The following SH3D19 variants were observed in gnomAD, a reference collection of about 807,000 sequenced individuals.
SH3D19 encodes the protein SH3 domain-containing protein 19.
A neutral mutation model predicts 112.1 loss-of-function variants in SH3D19; 58 were observed. The observed-to-expected ratio is 0.52, with a 90% CI of 0.42 to 0.64. The LOEUF is 0.64. Ranked by LOEUF, SH3D19 falls within the 30% of genes least tolerant of loss-of-function variation. The pLI, the probability that SH3D19 is intolerant of heterozygous loss-of-function variation, is 0.00. For missense variants in SH3D19, 1,090 were observed against 1,263.4 expected (o/e 0.86, Z 2.08); for synonymous variants, 391 against 448.5 (o/e 0.87, Z 1.62).
At chr4:151,310,134 G>T (rs1293551167) in intron 1 of SH3D19, among the ~76,000 whole-genome samples, 1 of 150,860 alleles carries the variant, frequency 6.6e-6, no homozygotes, top group Non-Finnish European at 1.5e-5. Context: ...AGCACTTTGG[G>T]AGCCTGAGGC....
At chr4:151,294,472 T>C (rs1399564007) in intron 1 of SH3D19, among the ~76,000 whole-genome samples, 1 of 152,234 alleles carries the variant, frequency 6.6e-6, no homozygotes, top group Non-Finnish European at 1.5e-5. Context: ...GATCTCACTA[T>C]CTTCATCACT....
chr4:151,136,322 A>G (rs1383090843), intron 14 of SH3D19, among the ~76,000 whole-genome samples: 3 of 150,346 alleles, frequency 2.0e-5, no homozygotes, highest in Non-Finnish European at 4.4e-5. Context: ...TAATTTTTCA[A>G]TTTTTTGTGG....
At chr4:151,267,402 G>GGTTT (rs2149994282) in intron 1 of SH3D19, among the ~76,000 whole-genome samples, 1 of 151,662 alleles carries the variant, frequency 6.6e-6, no homozygotes, top group South Asian at 2.1e-4. Context: ...AAAGCTATAA[G>GGTTT]GTTTTTCCTT....
chr4:151,208,649 C>T (rs1765464657), intron 2 of SH3D19, among the ~76,000 whole-genome samples: 1 of 151,496 alleles, frequency 6.6e-6, no homozygotes, highest in Admixed American at 6.6e-5. Context: ...GGATTACAGG[C>T]ATGCACCACT....
At chr4:151,240,662 GA>G (rs980344813) in intron 1 of SH3D19, among the ~76,000 whole-genome samples, 9 of 151,972 alleles carry the variant, frequency 5.9e-5, no homozygotes, top group Non-Finnish European at 1.0e-4. Context: ...CAAAGATGTT[GA>G]GAAATCAGAA....
At chr4:151,129,062 G>C (rs1470463500) in intron 17 of SH3D19, among the ~76,000 whole-genome samples, 1 of 152,212 alleles carries the variant, frequency 6.6e-6, no homozygotes, top group Non-Finnish European at 1.5e-5. Context: ...GTAATTATCA[G>C]TGAAGCTCTT....
At chr4:151,226,455 C>G in intron 1 of SH3D19, 1 of 993,992 alleles carries the variant, frequency 1.0e-6, no homozygotes, top group Non-Finnish European at 1.2e-6. Context: ...AAAAATCATT[C>G]CATGAATCAT....
intron 2 of SH3D19, among the ~76,000 whole-genome samples, chr4:151,192,046 G>A (rs1159418051): frequency 1.3e-5 from 2 of 149,860 alleles, no homozygotes; most frequent in East Asian, 2.0e-4. Context: ...CTGGGTTCAC[G>A]CCATTCTCCT....
chr4:151,186,819 G>T (rs1468672663), intron 3 of SH3D19, among the ~76,000 whole-genome samples: 1 of 137,598 alleles, frequency 7.3e-6, no homozygotes, highest in African/African-American at 2.7e-5. Flanking sequence ...TTTTGAGATG[G>T]AGTCTCGCTC....
intron 1 of SH3D19, among the ~76,000 whole-genome samples, chr4:151,280,250 C>T (rs1561426415): frequency 6.6e-6 from 1 of 152,234 alleles, no homozygotes; most frequent in East Asian, 1.9e-4. Flanking sequence ...ACAATCTGAG[C>T]TCTAAGAGCC....
At position 151,128,269 on chromosome 4, in the gene SH3D19, G is replaced by A. The variant is rs1182918034; in HGVS notation, c.2830C>T (p.Arg944Trp). 10 of 1,613,834 alleles carry A rather than the reference G, an allele frequency of 6.2e-6. No homozygotes were observed. In the East Asian group the frequency reaches 1.1e-4, roughly 18 times the overall value. ...TCCAGACGTTCCAGAATCTGGATCCGGTCTCCCCTCTTGAATGATAAGTCA... is the reference window on the plus strand; with the variant it reads ...TCCAGACGTTCCAGAATCTGGATCCAGTCTCCCCTCTTGAATGATAAGTCA... Reference protein sequence around the residue: ...SDDLSFKRGDRIQILERLDSD... With the variant: ...SDDLSFKRGDWIQILERLDSD... The change falls in exon 18 of 20, where the codon CGG (arginine) becomes TGG (tryptophan). Residue 944 changes from arginine to tryptophan, a missense_variant. Arg to Trp is a moderately radical substitution (Grantham distance 101, BLOSUM62 -3). Coordinates refer to ENST00000604030, the MANE Select transcript of SH3D19 (RefSeq NM_001378122.1).
In SH3D19 at chr4:151,176,657, C is replaced by T. The variant is rs941358940; in HGVS notation, c.406G>A (p.Glu136Lys). 2.2e-5 allele frequency: 27 copies of T among 1,231,896 alleles called. No individual in the cohort carries two copies. Among genetic ancestry groups the T allele is most frequent in the Non-Finnish European group, 2.5e-5 (25 of 987,880 alleles). The allele number at this position is 1,231,896 out of a possible 1,614,324, so 76.3% of individuals were successfully genotyped here. A position where few individuals can be genotyped will look rare whatever the true frequency, so the allele number is the denominator to read the frequency against. ...LPPSYEQVIK[E>K]INQVQVNTTN... ...GTATTAACTTGAACTTGGTTGATTT[C>T]TTTTATAACTTGTTCATAAGATGGT... The change falls in exon 6 of 20, where the codon GAA (glutamate) becomes AAA (lysine). Residue 136 changes from glutamate to lysine, a missense_variant. Transcript: ENST00000604030.
chr4:151,286,602 A>T (rs1298298223), intron 1 of SH3D19, among the ~76,000 whole-genome samples: 1 of 141,740 alleles, frequency 7.1e-6, no homozygotes. Context: ...TTTGTGATTA[A>T]AAAAAAAAAA....
At chr4:151,237,420 C>T (rs1770193837) in intron 1 of SH3D19, among the ~76,000 whole-genome samples, 1 of 152,168 alleles carries the variant, frequency 6.6e-6, no homozygotes, top group African/African-American at 2.4e-5. Context: ...CAATTGCTTA[C>T]CATCTCCAGG....
At chr4:151,150,122 T>C (rs1435096692) in intron 9 of SH3D19, among the ~76,000 whole-genome samples, 1 of 131,776 alleles carries the variant, frequency 7.6e-6, no homozygotes, top group East Asian at 2.4e-4. Context: ...GAGGCAGAGG[T>C]TGCAGTGAGC....
At chr4:151,210,463 G>T (rs112578949) in intron 2 of SH3D19, among the ~76,000 whole-genome samples, 3 of 148,082 alleles carry the variant, frequency 2.0e-5, no homozygotes, top group East Asian at 4.0e-4. Context: ...GTGCAGTGGC[G>T]CAATCTCAGC....
rs151070661 is a variant in SH3D19, at chr4:151,128,287, A to G, written c.2812T>C (p.Ser938Pro). ...TGGATCCGGTCTCCCCTCTTGAATG[A>G]TAAGTCATCACTGGTCTCTGCTGTA... ...SFTAETSDDL[S>P]FKRGDRIQIL... is the part of the protein sequence containing the mutation. The change falls in exon 18 of 20, where the codon TCA (serine) becomes CCA (proline). Residue 938 changes from serine (S) to proline (P), a missense_variant. Transcript: ENST00000604030. The G allele has an allele frequency of 7.4e-6, 12 of 1,614,004 alleles. No individual in the cohort carries two copies. The highest frequency in any genetic ancestry group is 1.0e-5 in the Non-Finnish European group (12 of 1,180,018).
chr4:151,152,561 C>A (rs944382628), intron 9 of SH3D19, among the ~76,000 whole-genome samples: 4 of 148,632 alleles, frequency 2.7e-5, no homozygotes, highest in African/African-American at 1.0e-4. Flanking sequence ...ACTCTGTTGC[C>A]CAGGCTGGAG....
At chr4:151,264,233 C>T (rs905881510) in intron 1 of SH3D19, among the ~76,000 whole-genome samples, 1 of 151,938 alleles carries the variant, frequency 6.6e-6, no homozygotes, top group African/African-American at 2.4e-5. Flanking sequence ...GAGTTCAAGA[C>T]CAGCCTGGCC....
Sources: gnomAD v4.1 joint callset for allele counts (sites outside exome capture counted in the v4.1 genomes callset) on GRCh38, gnomAD v4.1.1 for gene constraint, MANE v1.5 for transcripts, NCBI Gene and HGNC (gene_info 2026-07-23, HGNC 2026-07-21) for gene names.